PBX3: variants seen among roughly 807,000 people sequenced by gnomAD.
PBX3 encodes pre-B-cell leukemia transcription factor 3.
PBX3 carries 14 observed loss-of-function variants against 48.5 expected under a neutral mutation model. The observed-to-expected ratio is 0.29, with a 90% CI of 0.19 to 0.45. PBX3 has a LOEUF of 0.45. Among genes scored for constraint, PBX3 ranks in the 20% least tolerant of loss-of-function variants. The probability of loss-of-function intolerance (pLI) is 1.00; values close to 1 mark genes in which losing one functional copy is unlikely to be tolerated. For synonymous variants in PBX3, 210 were observed against 200.3 expected (o/e 1.05, Z -0.41); for missense variants, 386 against 546.7 (o/e 0.71, Z 2.93).
At chr9:125,900,301 T>G (rs1840913603) in intron 2 of PBX3, among the ~76,000 whole-genome samples, 1 of 150,992 alleles carries the variant, frequency 6.6e-6, no homozygotes, top group Admixed American at 6.6e-5. Flanking sequence ...TTTTTCTGAT[T>G]CTCTGTTCAT....
At position 125,793,359 on chromosome 9, in the gene PBX3, A is replaced by T. The variant is rs1226169078; in HGVS notation, c.274+44736A>T. Among the ~76,000 whole-genome samples, 3 of 65,542 alleles carry T rather than the reference A, an allele frequency of 4.6e-5. No homozygotes were observed. In the East Asian group the frequency reaches 1.7e-3, roughly 38 times the overall value. 43.0% of individuals were successfully genotyped at this position (65,542 alleles called of 152,430 possible). ...AGAGTGAGACTCCATTTGGGGGGGAAAAAAAAAATATATATATATATATAT... is the reference window on the plus strand; with the variant it reads ...AGAGTGAGACTCCATTTGGGGGGGATAAAAAAAATATATATATATATATAT... On this transcript the variant is annotated intron_variant, in intron 2 of 8. Coordinates refer to ENST00000373489, the MANE Select transcript of PBX3 (RefSeq NM_006195.6).
At chr9:125,871,304 A>G (rs887494444) in intron 2 of PBX3, among the ~76,000 whole-genome samples, 1 of 151,434 alleles carries the variant, frequency 6.6e-6, no homozygotes, top group Non-Finnish European at 1.5e-5. Flanking sequence ...AGGCAGAAGA[A>G]TCACTTGAAC....
intron 4 of PBX3, among the ~76,000 whole-genome samples, chr9:125,934,333 G>C (rs1841787842): frequency 6.6e-6 from 1 of 152,108 alleles, no homozygotes; most frequent in African/African-American, 2.4e-5. Context: ...CTGACTCTGT[G>C]TTTTCTGACT....
intron 5 of PBX3, among the ~76,000 whole-genome samples, chr9:125,948,286 T>C (rs1437788699): frequency 1.3e-5 from 2 of 152,198 alleles, no homozygotes; most frequent in Non-Finnish European, 2.9e-5. Context: ...AACTGCAGAA[T>C]ACACATTCTA....
intron 2 of PBX3, among the ~76,000 whole-genome samples, chr9:125,839,765 A>T (rs1352268461): frequency 6.6e-6 from 1 of 152,254 alleles, no homozygotes. Context: ...CGAGGAAAGC[A>T]AAAGAGAAAA....
chr9:125,754,398 T>A (rs1177420658), intron 2 of PBX3, among the ~76,000 whole-genome samples: 1 of 152,114 alleles, frequency 6.6e-6, no homozygotes, highest in Non-Finnish European at 1.5e-5. Context: ...AGAGAGTAAA[T>A]AATTTATATC....
chr9:125,762,039 A>C (rs1316160892), intron 2 of PBX3, among the ~76,000 whole-genome samples: 1 of 152,218 alleles, frequency 6.6e-6, no homozygotes, highest in Non-Finnish European at 1.5e-5. Context: ...GTATTTTTGC[A>C]GGGGCAGTTT....
At chr9:125,928,116 G>A (rs1196334937) in intron 3 of PBX3, among the ~76,000 whole-genome samples, 2 of 151,808 alleles carry the variant, frequency 1.3e-5, no homozygotes, top group Admixed American at 6.6e-5. Context: ...TCAGGAGGCG[G>A]AGGCTGCAGT....
At chr9:125,804,032 G>T (rs980912982) in intron 2 of PBX3, among the ~76,000 whole-genome samples, 3 of 152,138 alleles carry the variant, frequency 2.0e-5, no homozygotes, top group African/African-American at 7.2e-5. Context: ...GAGCATCTTT[G>T]TTGTGATTTT....
chr9:125,953,627 G>C (rs954677445), intron 5 of PBX3, among the ~76,000 whole-genome samples: 1 of 152,174 alleles, frequency 6.6e-6, no homozygotes, highest in Non-Finnish European at 1.5e-5. Context: ...TAAGTAAACT[G>C]TATCTACCTC....
chr9:125,897,193 G>C (rs60749843), intron 2 of PBX3, among the ~76,000 whole-genome samples: 1 of 105,764 alleles, frequency 9.5e-6, no homozygotes, highest in East Asian at 3.0e-4. Context: ...ATTCGCATTA[G>C]AATTTTTTTC....
At chr9:125,805,358 G>C (rs1244842738) in intron 2 of PBX3, among the ~76,000 whole-genome samples, 3 of 152,154 alleles carry the variant, frequency 2.0e-5, no homozygotes, top group African/African-American at 7.2e-5. Context: ...TGATGCAGGG[G>C]GTTCTGGGCA....
chr9:125,872,422 T>C (rs1042124820), intron 2 of PBX3, among the ~76,000 whole-genome samples: 4 of 152,160 alleles, frequency 2.6e-5, no homozygotes, highest in Admixed American at 6.5e-5. Flanking sequence ...GGTAAGATGA[T>C]GGGGAAAGGT....
chr9:125,751,457 T>G (rs1336976166), intron 2 of PBX3, among the ~76,000 whole-genome samples: 1 of 152,236 alleles, frequency 6.6e-6, no homozygotes, highest in Non-Finnish European at 1.5e-5. Context: ...TGAAAAGGTA[T>G]TTTTCCCTTC....
At chr9:125,813,313 A>C (rs565427766) in intron 2 of PBX3, among the ~76,000 whole-genome samples, 2 of 152,108 alleles carry the variant, frequency 1.3e-5, no homozygotes, top group East Asian at 3.9e-4. Context: ...ACACATTGGC[A>C]TAGGCCAATG....
At chr9:125,803,142 G>A (rs1384637243) in intron 2 of PBX3, among the ~76,000 whole-genome samples, 2 of 137,166 alleles carry the variant, frequency 1.5e-5, no homozygotes, top group East Asian at 2.1e-4. Flanking sequence ...CGCCCAGGCT[G>A]GAGTGCAGTG....
intron 2 of PBX3, among the ~76,000 whole-genome samples, chr9:125,891,625 T>G (rs1276759657): frequency 6.6e-6 from 1 of 152,252 alleles, no homozygotes; most frequent in Non-Finnish European, 1.5e-5. Context: ...TTCAAAAGTT[T>G]GTTTTCTTTT....
chr9:125,823,153 A>G (rs560890826), intron 2 of PBX3, among the ~76,000 whole-genome samples: 1 of 152,168 alleles, frequency 6.6e-6, no homozygotes, highest in Non-Finnish European at 1.5e-5. Flanking sequence ...TCCAAAATAC[A>G]GTTGTGGGAA....
At chr9:125,783,189 G>A (rs979467088) in intron 2 of PBX3, among the ~76,000 whole-genome samples, 7 of 152,050 alleles carry the variant, frequency 4.6e-5, no homozygotes, top group African/African-American at 1.2e-4. Flanking sequence ...TTATATGTTG[G>A]TGTGCATGAT....
Sources: gnomAD v4.1 joint callset for allele counts (sites outside exome capture counted in the v4.1 genomes callset) on GRCh38, gnomAD v4.1.1 for gene constraint, MANE v1.5 for transcripts, NCBI Gene and HGNC (gene_info 2026-07-23, HGNC 2026-07-21) for gene names.